DGKG: variants seen among roughly 807,000 people sequenced by gnomAD.
DGKG encodes the protein diacylglycerol kinase gamma.
DGKG carries 78 observed loss-of-function variants against 105.3 expected under a neutral mutation model. The observed-to-expected ratio is 0.74, with a 90% CI of 0.62 to 0.89. DGKG has a LOEUF of 0.89. DGKG is among the 40% of genes least tolerant of loss of function. The pLI is 0.00. For missense variants in DGKG, 958 were observed against 1,020.1 expected (o/e 0.94, Z 0.83); for synonymous variants, 346 against 367.1 (o/e 0.94, Z 0.66).
intron 19 of DGKG, among the ~76,000 whole-genome samples, chr3:186,247,674 A>C (rs1721007078): frequency 6.6e-6 from 1 of 152,208 alleles, no homozygotes; most frequent in South Asian, 2.1e-4. Context: ...GCGAGCATAC[A>C]AACCCTGCAA....
At chr3:186,309,994 C>A (rs1468947) in intron 2 of DGKG, among the ~76,000 whole-genome samples, 1 of 150,500 alleles carries the variant, frequency 6.6e-6, no homozygotes. Flanking sequence ...CACAGCCGGG[C>A]GCGGTGGCTC....
intron 20 of DGKG, 117 bp downstream of exon 20, chr3:186,242,385 CAG>C (rs1720731273): frequency 1.9e-6 from 1 of 521,682 alleles, no homozygotes; most frequent in African/African-American, 3.5e-5. Flanking sequence ...CGGCAAGTGG[CAG>C]GAAGGCCAAG....
At chr3:186,263,224 C>T (rs1721869210) in intron 14 of DGKG, among the ~76,000 whole-genome samples, 1 of 152,196 alleles carries the variant, frequency 6.6e-6, no homozygotes, top group Non-Finnish European at 1.5e-5. Context: ...CAAGAGACAT[C>T]TCTATGAAGT....
chr3:186,211,908 G>A, intron 20 of DGKG, 23 bp from the exon 21 acceptor site: 1 of 1,580,970 alleles, frequency 6.3e-7, no homozygotes, highest in South Asian at 1.1e-5. Context: ...GCAGAGAGAT[G>A]TCTCAATATT....
intron 12 of DGKG, among the ~76,000 whole-genome samples, chr3:186,268,170 C>T (rs2108581269): frequency 6.6e-6 from 1 of 152,272 alleles, no homozygotes; most frequent in South Asian, 2.1e-4. Flanking sequence ...CCTTGTGATT[C>T]AACCTTTGTA....
chr3:186,287,774 C>G (rs761125447), intron 6 of DGKG, among the ~76,000 whole-genome samples: 15 of 152,194 alleles, frequency 9.9e-5, no homozygotes, highest in Non-Finnish European at 1.8e-4. Flanking sequence ...AATGAGCAAA[C>G]TGTTTCATTT....
chr3:186,260,978 G>A (rs1721745645), intron 15 of DGKG, among the ~76,000 whole-genome samples: 1 of 152,186 alleles, frequency 6.6e-6, no homozygotes, highest in Non-Finnish European at 1.5e-5. Flanking sequence ...GCAGGAGGTG[G>A]TGTTGGGCTG....
At chr3:186,244,396 T>C (rs73180336) in intron 19 of DGKG, among the ~76,000 whole-genome samples, 2 of 150,200 alleles carry the variant, frequency 1.3e-5, no homozygotes, top group African/African-American at 5.0e-5. Flanking sequence ...ATTTAAACTT[T>C]AGCTATTGAT....
intron 1 of DGKG, among the ~76,000 whole-genome samples, chr3:186,323,463 G>T (rs1725177137): frequency 6.6e-6 from 1 of 152,166 alleles, no homozygotes; most frequent in African/African-American, 2.4e-5. Flanking sequence ...TAGTAAACAT[G>T]GTGAGGAGAA....
intron 1 of DGKG, among the ~76,000 whole-genome samples, chr3:186,349,905 G>C (rs1368156760): frequency 1.3e-5 from 2 of 149,012 alleles, no homozygotes; most frequent in African/African-American, 5.0e-5. Flanking sequence ...TTTTTTTTGA[G>C]ATAGGGTCTC....
chr3:186,206,148 C>T (rs557836766), intron 21 of DGKG, among the ~76,000 whole-genome samples: 20 of 152,180 alleles, frequency 1.3e-4, no homozygotes, highest in South Asian at 4.1e-4. Context: ...CACTTTGGGA[C>T]GCCGAGGCAG....
At chr3:186,349,820 C>T (rs971103740) in intron 1 of DGKG, among the ~76,000 whole-genome samples, 15 of 151,892 alleles carry the variant, frequency 9.9e-5, no homozygotes, top group African/African-American at 2.9e-4. Flanking sequence ...CACTTTTAAG[C>T]GTACAGTTCA....
chr3:186,209,202 G>A (rs887681208), intron 21 of DGKG, among the ~76,000 whole-genome samples: 1 of 149,170 alleles, frequency 6.7e-6, no homozygotes, highest in Non-Finnish European at 1.5e-5. Flanking sequence ...CTGGGTTCAA[G>A]CGATTCTCCT....
intron 4 of DGKG, 52 bp downstream of exon 4, chr3:186,298,011 CA>C: frequency 6.5e-7 from 1 of 1,549,426 alleles, no homozygotes; most frequent in Non-Finnish European, 8.7e-7. Context: ...GTGGCTGTGG[CA>C]GGGGATGAGA....
At chr3:186,323,863 G>C (rs947296672) in intron 1 of DGKG, among the ~76,000 whole-genome samples, 2 of 150,276 alleles carry the variant, frequency 1.3e-5, no homozygotes, top group African/African-American at 2.5e-5. Context: ...TTTGAACCCA[G>C]GATGCAGACC....
intron 11 of DGKG, among the ~76,000 whole-genome samples, chr3:186,271,663 A>C (rs1431677757): frequency 6.6e-6 from 1 of 152,200 alleles, no homozygotes; most frequent in Admixed American, 6.5e-5. Flanking sequence ...AGCTGGCCTC[A>C]TAAGACCTGC....
intron 13 of DGKG, among the ~76,000 whole-genome samples, chr3:186,266,242 C>T (rs1172773886): frequency 1.3e-5 from 2 of 152,106 alleles, no homozygotes; most frequent in African/African-American, 2.4e-5. Context: ...CATATCTTTT[C>T]GAGTCTAGCT....
In DGKG at chr3:186,150,112, C is replaced by T; in HGVS notation, c.2354G>A (p.Arg785Lys). The T allele has an allele frequency of 6.2e-7, 1 of 1,613,650 alleles. No individual in the cohort carries two copies. The highest frequency in any genetic ancestry group is 2.2e-5 in the East Asian group (1 of 44,864). ...TGTTTAGTCTTTTGAACGGCTCTTCCTTCTCAACGAGAAGAAGCTGCTCTT... is the reference window on the plus strand; with the variant it reads ...TGTTTAGTCTTTTGAACGGCTCTTCTTTCTCAACGAGAAGAAGCTGCTCTT... ...PQKSSFFSLR[R>K]KSRSKD Residue 785 changes from arginine (R) to lysine (K), a missense_variant, in exon 25 of 25, where the codon AGG becomes AAG. Physicochemically the swap from Arg to Lys is conservative, Grantham distance 26 (BLOSUM62 2). This residue lies in a region of DGKG where 315 missense variants were observed against 400.6 expected (regional missense o/e 0.79). Coordinates refer to ENST00000265022, the MANE Select transcript of DGKG (RefSeq NM_001346.3).
intron 16 of DGKG, among the ~76,000 whole-genome samples, chr3:186,259,891 T>A (rs1398769086): frequency 6.6e-6 from 1 of 152,114 alleles, no homozygotes; most frequent in East Asian, 1.9e-4. Flanking sequence ...GAATAGCCAA[T>A]GAGTAAGTGG....
Sources: gnomAD v4.1 joint callset for allele counts (sites outside exome capture counted in the v4.1 genomes callset) on GRCh38, gnomAD v4.1.1 for gene constraint, gnomAD v4.1.1 regional missense constraint, MANE v1.5 for transcripts, NCBI Gene and HGNC (gene_info 2026-07-23, HGNC 2026-07-21) for gene names.